Variants in APOOL observed in about 807,000 individuals in gnomAD.
The protein encoded by APOOL is MICOS complex subunit MIC27.
In APOOL, 12 loss-of-function variants were observed where a neutral mutation model predicts 23.1. That is an observed-to-expected ratio of 0.52 (90% CI 0.33 to 0.84). APOOL has a LOEUF of 0.84. Among genes scored for constraint, APOOL ranks in the 40% least tolerant of loss-of-function variants. The pLI is 0.02. For synonymous variants in APOOL, 77 were observed against 69.9 expected, an observed-to-expected ratio of 1.10 and a Z score of -0.51; for missense variants, 212 against 199.6, an observed-to-expected ratio of 1.06 and a Z score of -0.37.
chrX:85,056,002 A>T, intron 5 of APOOL, 77 bp downstream of exon 5: 1 of 714,351 alleles, frequency 1.4e-6, no homozygotes. Flanking sequence ...AGAAAACCTC[A>T]TATGCTTTAT....
At chrX:85,061,873 A>ATC (rs1185512458) in intron 5 of APOOL, among the ~76,000 whole-genome samples, 2 of 109,390 alleles carry the variant, frequency 1.8e-5, no homozygotes, top group Non-Finnish European at 3.8e-5. Flanking sequence ...TTTTGTATCT[A>ATC]TTTCCTTCAG....
rs148073354 is a variant in APOOL, at chrX:85,066,249, G to A, written c.395-878G>A. The stretch of plus-strand genomic sequence containing the variant: ...TACAGTATAAGATACTCAGACAAGC[G>A]TTTAACTTACATATTATTTTGAACC... On this transcript the variant is annotated intron_variant, in intron 5 of 8. Coordinates refer to ENST00000373173, the MANE Select transcript of APOOL (RefSeq NM_198450.6). Among the ~76,000 whole-genome samples, 665 of 111,863 alleles carry A rather than the reference G, an allele frequency of 5.9e-3. 4 individuals are homozygous for A. Among genetic ancestry groups the A allele is most frequent in the African/African-American group, 0.02 (625 of 30,795 alleles).
At chrX:85,027,562 A>C (rs1354492497) in intron 1 of APOOL, among the ~76,000 whole-genome samples, 1 of 111,561 alleles carries the variant, frequency 9.0e-6, no homozygotes, top group African/African-American at 3.3e-5. Context: ...TATAGCATGA[A>C]GTCTCAGCTA....
At chrX:85,037,361 C>A (rs1007809342) in intron 1 of APOOL, among the ~76,000 whole-genome samples, 3 of 111,390 alleles carry the variant, frequency 2.7e-5, no homozygotes, top group African/African-American at 9.8e-5. Flanking sequence ...CTCATGAGAT[C>A]TGATGGTTTT....
chrX:85,082,050 G>A (rs977437195), intron 8 of APOOL, among the ~76,000 whole-genome samples: 1 of 111,616 alleles, frequency 9.0e-6, no homozygotes, highest in Non-Finnish European at 1.9e-5. Flanking sequence ...CCTTTAGCTT[G>A]GAGAAGTTTG....
At chrX:85,076,323 CATTT>C (rs911680690) in intron 8 of APOOL, among the ~76,000 whole-genome samples, 4 of 109,035 alleles carry the variant, frequency 3.7e-5, no homozygotes, top group African/African-American at 1.3e-4. Flanking sequence ...TAGAATAAAA[CATTT>C]TTTTTTTTTT....
chrX:85,051,932 C>T (rs1379701723), intron 3 of APOOL, among the ~76,000 whole-genome samples: 3 of 111,926 alleles, frequency 2.7e-5, no homozygotes, highest in Non-Finnish European at 5.6e-5. Context: ...ACAAGTGGCC[C>T]TAGGCAGAAT....
Position 85,088,505 on chromosome X carries a change from C to A in APOOL, c.*827C>A, listed in dbSNP as rs1380748873. ...ACACAGGCTTCCTAATACTGCTTAGCAATCCTTCTACTGGTTCCTAAGTGG... is the reference window on the plus strand; with the variant it reads ...ACACAGGCTTCCTAATACTGCTTAGAAATCCTTCTACTGGTTCCTAAGTGG... On this transcript the variant is annotated 3_prime_UTR_variant, in exon 9 of 9. Coordinates refer to ENST00000373173, the MANE Select transcript of APOOL (RefSeq NM_198450.6). 1 of 107,679 alleles carries A rather than the reference C, an allele frequency of 9.3e-6. No homozygotes were observed. Among genetic ancestry groups the A allele is most frequent in the East Asian group, 2.9e-4 (1 of 3,419 alleles). The allele number at this position is 107,679 out of a possible 1,213,427, so 8.9% of individuals were successfully genotyped here.
chrX:85,078,423 G>T (rs769738198), intron 8 of APOOL, among the ~76,000 whole-genome samples: 96 of 111,256 alleles, frequency 8.6e-4, no homozygotes, highest in Non-Finnish European at 1.6e-3. Context: ...TACTTCTGAG[G>T]TGTCTGTTCT....
At position 85,074,095 on chromosome X, in the gene APOOL, C is replaced by G. The variant is rs201017526; in HGVS notation, c.584C>G (p.Pro195Arg). The change falls in exon 7 of 9, where the codon CCT becomes CGT. Residue 195 changes from proline to arginine, a missense_variant. Pro to Arg is a moderately radical substitution (Grantham distance 103). Coordinates refer to ENST00000373173, the MANE Select transcript of APOOL (RefSeq NM_198450.6). ...AGCAAAGAAGAGTCACTCCCTAAAC[C>G]TAAAGAAAAAACTAAGGTAGAGTTT... ...KSSKEESLPK[P>R]KEKTKLGSSS... The G allele has an allele frequency of 1.4e-4, 159 of 1,162,364 alleles. No individual in the cohort carries two copies. In the African/African-American group the frequency reaches 2.7e-3, roughly 20 times the overall value.
intron 8 of APOOL, among the ~76,000 whole-genome samples, chrX:85,075,767 A>G (rs1923816479): frequency 9.0e-6 from 1 of 111,169 alleles, no homozygotes; most frequent in African/African-American, 3.3e-5. Context: ...GGAACCCTTT[A>G]TTTGCCTGTC....
chrX:85,014,797 C>T (rs1921411412), intron 1 of APOOL, among the ~76,000 whole-genome samples: 2 of 109,014 alleles, frequency 1.8e-5, no homozygotes, highest in East Asian at 2.9e-4. Context: ...CTGTGTGTCT[C>T]GGTGATGATC....
Position 85,088,033 on chromosome X carries a change from C to CATAT in APOOL, c.*357_*358insATAT, listed in dbSNP as rs376945059. On this transcript the variant is annotated 3_prime_UTR_variant, in exon 9 of 9. Transcript: ENST00000373173. ...ATGTATAAATACATACATATTTATA[C>CATAT]ATGTATAAATACGTATTTATACATA... 29 of 83,860 alleles carry CATAT rather than the reference C, an allele frequency of 3.5e-4. No homozygotes were observed. Among genetic ancestry groups the CATAT allele is most frequent in the African/African-American group, 1.3e-3 (29 of 22,673 alleles). The allele number at this position is 83,860 out of a possible 1,213,427, so 6.9% of individuals were successfully genotyped here.
intron 1 of APOOL, among the ~76,000 whole-genome samples, chrX:85,008,934 T>C (rs1450456144): frequency 2.7e-5 from 3 of 111,789 alleles, no homozygotes; most frequent in Non-Finnish European, 5.7e-5. Context: ...CCATTATGGT[T>C]TGATAGTTTT....
At chrX:85,027,621 G>T (rs1921887570) in intron 1 of APOOL, among the ~76,000 whole-genome samples, 2 of 111,418 alleles carry the variant, frequency 1.8e-5, no homozygotes, top group African/African-American at 6.5e-5. Context: ...AATAGTTTGG[G>T]TCAGTATTTT....
intron 6 of APOOL, among the ~76,000 whole-genome samples, chrX:85,068,735 C>T (rs1417107240): frequency 1.8e-5 from 2 of 111,288 alleles, no homozygotes; most frequent in African/African-American, 3.3e-5. Flanking sequence ...AGAGTAATGA[C>T]ATCATGGTTG....
intron 1 of APOOL, among the ~76,000 whole-genome samples, chrX:85,020,271 G>T (rs971999613): frequency 8.9e-6 from 1 of 111,828 alleles, no homozygotes. Flanking sequence ...GAAACCAAGT[G>T]AGAAATTACA....
chrX:85,055,896 G>T lies in APOOL; in HGVS notation c.365G>T (p.Gly122Val), dbSNP rs770508666. 8.3e-7 allele frequency: 1 copy of T among 1,201,194 alleles called. No homozygotes were observed. Among genetic ancestry groups the T allele is most frequent in the East Asian group, 3.0e-5 (1 of 33,472 alleles). ...AAAATGGGAGTTATTACAGTTTCAGGATTGGCGGGCTTGGTTTCAGCGAGA... is the reference window on the plus strand; with the variant it reads ...AAAATGGGAGTTATTACAGTTTCAGTATTGGCGGGCTTGGTTTCAGCGAGA... ...LPKMGVITVS[G>V]LAGLVSARKG... Residue 122 changes from glycine (G) to valine (V), a missense_variant, in exon 5 of 9, where the codon GGA becomes GTA. Transcript: ENST00000373173.
intron 1 of APOOL, among the ~76,000 whole-genome samples, chrX:85,035,191 G>T (rs1368238396): frequency 2.7e-5 from 3 of 110,848 alleles, no homozygotes; most frequent in Admixed American, 9.6e-5. Context: ...GTTTTGATTT[G>T]CATTTCTCTG....
Sources: gnomAD v4.1 joint callset for allele counts (sites outside exome capture counted in the v4.1 genomes callset) on GRCh38, gnomAD v4.1.1 for gene constraint, MANE v1.5 for transcripts, NCBI Gene and HGNC (gene_info 2026-07-23, HGNC 2026-07-21) for gene names.